HS3ST5: variants seen among roughly 807,000 people sequenced by gnomAD.
The protein encoded by HS3ST5 is heparan sulfate glucosamine 3-O-sulfotransferase 5.
A neutral mutation model predicts 25.4 loss-of-function variants in HS3ST5; 10 were observed. The observed-to-expected ratio is 0.39, with a 90% confidence interval of 0.24 to 0.67. The LOEUF (loss-of-function observed/expected upper bound fraction) is 0.67. Among genes scored for constraint, HS3ST5 ranks in the 30% least tolerant of loss-of-function variants. The pLI is 0.44. For missense variants in HS3ST5, 324 were observed against 420.7 expected (o/e 0.77, Z 2.01); for synonymous variants, 170 against 162.4 (o/e 1.05, Z -0.36).
intron 3 of HS3ST5, among the ~76,000 whole-genome samples, chr6:114,165,445 C>T (rs1779163540): frequency 6.6e-6 from 1 of 152,110 alleles, no homozygotes; most frequent in South Asian, 2.1e-4. Context: ...CCATCGCCTG[C>T]CAGGGTTTTC....
chr6:114,158,023 T>C (rs1206798715), intron 3 of HS3ST5, among the ~76,000 whole-genome samples: 1 of 152,198 alleles, frequency 6.6e-6, no homozygotes, highest in Non-Finnish European at 1.5e-5. Flanking sequence ...AATGGAGCTG[T>C]CACTTCTTTC....
chr6:114,065,283 A>T (rs531916562), intron 3 of HS3ST5, among the ~76,000 whole-genome samples: 1 of 152,350 alleles, frequency 6.6e-6, no homozygotes, highest in South Asian at 2.1e-4. Flanking sequence ...AAAGACAGTT[A>T]CCTATGTAAT....
At chr6:114,206,597 C>A (rs142495646) in intron 2 of HS3ST5, among the ~76,000 whole-genome samples, 3 of 152,250 alleles carry the variant, frequency 2.0e-5, no homozygotes, top group Non-Finnish European at 4.4e-5. Context: ...TGAATGTTCT[C>A]AACTGTAAAC....
chr6:114,331,306 A>T (rs966196204), intron 1 of HS3ST5, among the ~76,000 whole-genome samples: 2 of 152,238 alleles, frequency 1.3e-5, no homozygotes, highest in East Asian at 3.8e-4. Flanking sequence ...ATTTCAAAGT[A>T]AATTTATAAC....
At chr6:114,137,092 A>C (rs993341770) in intron 3 of HS3ST5, among the ~76,000 whole-genome samples, 1 of 151,940 alleles carries the variant, frequency 6.6e-6, no homozygotes, top group Non-Finnish European at 1.5e-5. Flanking sequence ...ATAATGTATC[A>C]TAGCAATCTT....
In HS3ST5 at chr6:114,242,986, A is replaced by C. The variant is rs570898341; in HGVS notation, c.-338-14208T>G. On this transcript the variant is annotated intron_variant, in intron 1 of 4. Transcript: ENST00000312719. The stretch of plus-strand genomic sequence containing the variant: ...AACCAAAGGCTTGGGCAACGCTTGC[A>C]CTATTGAATTTGCCCTCTAGCACTT... 4.6e-5 allele frequency among the ~76,000 whole-genome samples: 7 copies of C among 152,286 alleles called. No homozygotes were observed. In the South Asian group the frequency reaches 1.5e-3, roughly 32 times the overall value.
chr6:114,101,534 A>G (rs1347834890), intron 3 of HS3ST5, among the ~76,000 whole-genome samples: 3 of 152,332 alleles, frequency 2.0e-5, no homozygotes, highest in Non-Finnish European at 2.9e-5. Context: ...AATATTTTCA[A>G]TAAAGAAAAC....
intron 3 of HS3ST5, among the ~76,000 whole-genome samples, chr6:114,087,188 T>G (rs1184111812): frequency 6.6e-6 from 1 of 152,192 alleles, no homozygotes; most frequent in Non-Finnish European, 1.5e-5. Flanking sequence ...CCTTTCTGGC[T>G]TCATTTCTGA....
intron 3 of HS3ST5, among the ~76,000 whole-genome samples, chr6:114,121,928 C>T (rs1049012278): frequency 6.6e-6 from 1 of 152,170 alleles, no homozygotes; most frequent in African/African-American, 2.4e-5. Context: ...GTTCTGACAG[C>T]GTGTCCTACC....
intron 1 of HS3ST5, among the ~76,000 whole-genome samples, chr6:114,292,692 C>T (rs747565095): frequency 6.6e-6 from 1 of 152,208 alleles, no homozygotes; most frequent in Non-Finnish European, 1.5e-5. Flanking sequence ...GGTGGACAGA[C>T]ATGTACAGTC....
intron 3 of HS3ST5, among the ~76,000 whole-genome samples, chr6:114,079,753 A>T (rs551197748): frequency 7.4e-4 from 113 of 152,272 alleles, no homozygotes; most frequent in Middle Eastern, 6.8e-3. Flanking sequence ...CTATAGCCTT[A>T]TGAAATATAT....
At chr6:114,340,031 T>C (rs1418035265) in intron 1 of HS3ST5, among the ~76,000 whole-genome samples, 2 of 152,230 alleles carry the variant, frequency 1.3e-5, no homozygotes, top group African/African-American at 4.8e-5. Context: ...TTGTGTGTGT[T>C]CATGTGCTCA....
chr6:114,124,615 T>C (rs1210040106), intron 3 of HS3ST5, among the ~76,000 whole-genome samples: 2 of 151,904 alleles, frequency 1.3e-5, no homozygotes, highest in Non-Finnish European at 2.9e-5. Context: ...TAAGCAGCTC[T>C]GTCCAGGATT....
chr6:114,267,786 C>T (rs1278715333), intron 1 of HS3ST5, among the ~76,000 whole-genome samples: 21 of 152,118 alleles, frequency 1.4e-4, no homozygotes, highest in Admixed American at 1.4e-3. Flanking sequence ...GGTTTTTGTA[C>T]AGTATCTACA....
chr6:114,317,685 C>T (rs1582812153), intron 1 of HS3ST5, among the ~76,000 whole-genome samples: 2 of 151,676 alleles, frequency 1.3e-5, no homozygotes, highest in Non-Finnish European at 2.9e-5. Flanking sequence ...TGCCTGCCCT[C>T]GTCATGCTTA....
chr6:114,168,087 T>C (rs762522002), intron 3 of HS3ST5, among the ~76,000 whole-genome samples: 38 of 151,056 alleles, frequency 2.5e-4, no homozygotes, highest in Non-Finnish European at 3.1e-4. Context: ...CAAAAGAAAA[T>C]CAATAAAAAA....
At position 114,057,874 on chromosome 6, in the gene HS3ST5, T is replaced by C. The variant is rs1321008286; in HGVS notation, c.424A>G (p.Lys142Glu). ...YGKGIEWYRK[K>E]MPFSYPQQIT... Reference sequence around the variant, plus strand: ...TGCTGAGGGTAGGAAAAAGGCATCTTTTTCCTATACCACTCAATGCCCTTA... The same window carrying C: ...TGCTGAGGGTAGGAAAAAGGCATCTCTTTCCTATACCACTCAATGCCCTTA... Residue 142 changes from lysine to glutamate, a missense_variant, in exon 5 of 5, where the codon AAG becomes GAG. Transcript: ENST00000312719. 1 of 1,614,156 alleles carries C rather than the reference T, an allele frequency of 6.2e-7. No individual in the cohort carries two copies. The highest frequency in any genetic ancestry group is 8.5e-7 in the Non-Finnish European group (1 of 1,180,020).
At chr6:114,127,958 T>C (rs894209107) in intron 3 of HS3ST5, among the ~76,000 whole-genome samples, 2 of 150,706 alleles carry the variant, frequency 1.3e-5, no homozygotes, top group East Asian at 1.9e-4. Context: ...AAAATAAATA[T>C]ATATGTGTGC....
At chr6:114,133,338 T>C (rs1169530491) in intron 3 of HS3ST5, among the ~76,000 whole-genome samples, 1 of 152,222 alleles carries the variant, frequency 6.6e-6, no homozygotes, top group East Asian at 1.9e-4. Context: ...ATGACCCCAC[T>C]GTTCCTCAGA....
Sources: gnomAD v4.1 joint callset for allele counts (sites outside exome capture counted in the v4.1 genomes callset) on GRCh38, gnomAD v4.1.1 for gene constraint, MANE v1.5 for transcripts, NCBI Gene and HGNC (gene_info 2026-07-23, HGNC 2026-07-21) for gene names.